MAP4: variants seen among roughly 807,000 people sequenced by gnomAD.
MAP4 encodes microtubule associated protein 4.
MAP4 carries 76 observed loss-of-function variants against 170.2 expected under a neutral mutation model. That is an observed-to-expected ratio of 0.45 (90% CI 0.37 to 0.54). MAP4 has a LOEUF of 0.54. Ranked by LOEUF, MAP4 falls within the 20% of genes least tolerant of loss-of-function variation. The pLI is 0.00. For synonymous variants in MAP4, 909 were observed against 994.5 expected, an observed-to-expected ratio of 0.91 and a Z score of 1.62; for missense variants, 2,506 against 2,748.0, an observed-to-expected ratio of 0.91 and a Z score of 1.97.
At chr3:48,012,364 T>C (rs1436626026) in intron 1 of MAP4, among the ~76,000 whole-genome samples, 1 of 152,188 alleles carries the variant, frequency 6.6e-6, no homozygotes, top group African/African-American at 2.4e-5. Flanking sequence ...AACCTGGACC[T>C]AGTTGAGCTA....
intron 10 of MAP4, among the ~76,000 whole-genome samples, chr3:47,878,273 T>C (rs2152514121): frequency 6.6e-6 from 1 of 152,132 alleles, no homozygotes; most frequent in South Asian, 2.1e-4. Context: ...AACTTCAATG[T>C]GGCAAAAAAC....
intron 1 of MAP4, among the ~76,000 whole-genome samples, chr3:48,074,164 T>C (rs970329722): frequency 2.6e-5 from 4 of 151,902 alleles, no homozygotes; most frequent in African/African-American, 9.7e-5. Context: ...TGTAGGGACA[T>C]GGATGAAGCT....
intron 1 of MAP4, among the ~76,000 whole-genome samples, chr3:48,025,754 G>C (rs1019198766): frequency 3.3e-5 from 5 of 151,642 alleles, no homozygotes; most frequent in Non-Finnish European, 7.4e-5. Context: ...ACAAAAATTA[G>C]CCAGGCGTGG....
At chr3:47,958,284 ATGTT>A (rs958271276) in intron 3 of MAP4, among the ~76,000 whole-genome samples, 3 of 152,204 alleles carry the variant, frequency 2.0e-5, no homozygotes, top group African/African-American at 7.2e-5. Flanking sequence ...GAGGGAATAA[ATGTT>A]TGAGTCATTT....
At chr3:48,041,619 A>G (rs2100121675) in intron 1 of MAP4, among the ~76,000 whole-genome samples, 1 of 152,102 alleles carries the variant, frequency 6.6e-6, no homozygotes, top group Admixed American at 6.6e-5. Context: ...CAAACTGGGC[A>G]TTATTACTTG....
chr3:47,944,954 T>C (rs2100058816), intron 3 of MAP4, among the ~76,000 whole-genome samples: 1 of 151,318 alleles, frequency 6.6e-6, no homozygotes. Context: ...GGAACCTTTT[T>C]TTTTTTTTTT....
chr3:47,988,121 G>A (rs1221499297), intron 2 of MAP4, among the ~76,000 whole-genome samples: 3 of 151,784 alleles, frequency 2.0e-5, no homozygotes, highest in African/African-American at 7.3e-5. Flanking sequence ...GTGAACCCGG[G>A]AGGCGGAGCT....
chr3:47,885,227 G>A (rs909488564), intron 10 of MAP4, among the ~76,000 whole-genome samples: 1 of 152,070 alleles, frequency 6.6e-6, no homozygotes, highest in African/African-American at 2.4e-5. Context: ...GGATATGTAG[G>A]AGACAAAAAG....
intron 1 of MAP4, among the ~76,000 whole-genome samples, chr3:48,024,049 C>T (rs1021308817): frequency 2.0e-5 from 3 of 152,192 alleles, no homozygotes; most frequent in South Asian, 2.1e-4. Flanking sequence ...CAGTGGCTCA[C>T]GCCAGTAATC....
Position 48,015,565 on chromosome 3 carries a change from ATT to A in MAP4, c.-20+767_-20+768del, listed in dbSNP as rs928810655. Among the ~76,000 whole-genome samples, 9 of 151,418 alleles carry A rather than the reference ATT, an allele frequency of 5.9e-5. No individual in the cohort carries two copies. In the East Asian group the frequency reaches 9.7e-4, roughly 16 times the overall value. ...ATAATAATTTAATATTCAACATCAG[ATT>A]TTTTTTTAGTATGCCTAGCAGGTTT... On this transcript the variant is annotated intron_variant, in intron 1 of 20. Transcript: ENST00000683076.
chr3:47,909,898 ACTC>A lies in MAP4; in HGVS notation c.4520_4522del (p.Gly1507del). ...TATGGCTGTTGTAATAGGTAGAGCA[ACTC>A]CTCCTGTGCTTGTAGAGGGCACAAC... On this transcript the variant is annotated inframe_deletion, in exon 9 of 21. Transcript: ENST00000683076. 2.5e-6 allele frequency: 4 copies of A among 1,613,672 alleles called. No individual in the cohort carries two copies. The highest frequency in any genetic ancestry group is 3.4e-6 in the Non-Finnish European group (4 of 1,179,798).
chr3:48,080,131 G>T (rs1006204741), intron 1 of MAP4, among the ~76,000 whole-genome samples: 7 of 152,098 alleles, frequency 4.6e-5, no homozygotes. Context: ...GAGCTACAGG[G>T]AATAACTGTA....
In MAP4 at chr3:47,995,250, CTT is replaced by C. The variant is rs67017707; in HGVS notation, c.223+3386_223+3387del. On this transcript the variant is annotated intron_variant, in intron 2 of 20. Coordinates refer to ENST00000683076, the MANE Select transcript of MAP4 (RefSeq NM_001385682.1). ...CAATGATAGCAACTTTTTTTCTTTT[CTT>C]TTTTTTTTTTTTTTTTGAGACAGAG... is the stretch of plus-strand genomic sequence containing the variant. 1.2e-3 allele frequency among the ~76,000 whole-genome samples: 138 copies of C among 112,186 alleles called. 1 individual carries two copies. Among genetic ancestry groups the C allele is most frequent in the South Asian group, 4.5e-3 (16 of 3,520 alleles). The allele number at this position is 112,186 out of a possible 152,430, so 73.6% of individuals were successfully genotyped here. A position where few individuals can be genotyped will look rare whatever the true frequency, so the allele number is the denominator to read the frequency against.
At chr3:47,854,680 C>G (rs1016394681) in intron 19 of MAP4, among the ~76,000 whole-genome samples, 1 of 151,726 alleles carries the variant, frequency 6.6e-6, no homozygotes, top group African/African-American at 2.4e-5. Flanking sequence ...CCCAGCCAGT[C>G]GTGAGGATGG....
At chr3:47,935,972 C>T (rs1249506342) in intron 3 of MAP4, among the ~76,000 whole-genome samples, 3 of 150,534 alleles carry the variant, frequency 2.0e-5, no homozygotes, top group Non-Finnish European at 4.4e-5. Flanking sequence ...AGGAATATAC[C>T]TCAAAAAAAT....
intron 1 of MAP4, among the ~76,000 whole-genome samples, chr3:48,056,682 G>C (rs62260849): frequency 1.3e-3 from 125 of 96,818 alleles, no homozygotes; most frequent in African/African-American, 3.0e-3. Flanking sequence ...TCAGCCCTCC[G>C]CCCGGCCAGC....
intron 9 of MAP4, among the ~76,000 whole-genome samples, chr3:47,907,184 A>C (rs886733321): frequency 6.6e-6 from 1 of 152,232 alleles, no homozygotes; most frequent in Non-Finnish European, 1.5e-5. Flanking sequence ...GTTTAAAAAG[A>C]ATAGCACACA....
At chr3:47,858,444 C>G (rs2060057788) in intron 17 of MAP4, among the ~76,000 whole-genome samples, 1 of 152,134 alleles carries the variant, frequency 6.6e-6, no homozygotes, top group Admixed American at 6.5e-5. Flanking sequence ...GGTCCAAACA[C>G]CAGCACCAAG....
intron 1 of MAP4, among the ~76,000 whole-genome samples, chr3:48,061,125 G>A (rs1369870598): frequency 2.0e-5 from 3 of 151,956 alleles, no homozygotes; most frequent in East Asian, 1.9e-4. Context: ...GATTACAGGC[G>A]TGAGCCACCG....
Sources: allele counts gnomAD v4.1 joint callset (sites outside exome capture counted in the v4.1 genomes callset), GRCh38; gene constraint gnomAD v4.1.1; transcripts MANE v1.5; gene names NCBI Gene and HGNC (gene_info 2026-07-23, HGNC 2026-07-21).